ZNF846: variants seen among roughly 807,000 people sequenced by gnomAD.
ZNF846 encodes zinc finger protein 846.
ZNF846 carries 15 observed loss-of-function variants against 16.0 expected under a neutral mutation model. The ratio of observed to expected loss-of-function variants is 0.94; its 90% CI spans 0.63 to 1.45. The LOEUF is 1.45. Among genes scored for constraint, ZNF846 ranks in the 40% most tolerant of loss-of-function variants. ZNF846 has a pLI of 0.00. For synonymous variants in ZNF846, 229 were observed against 212.0 expected (o/e 1.08, Z -0.70); for missense variants, 714 against 622.3 (o/e 1.15, Z -1.57).
chr19:9,757,340 G>T, downstream of ZNF846: 1 of 691,998 alleles, frequency 1.4e-6, no homozygotes, highest in East Asian at 2.7e-5. Context: ...TATATCACTG[G>T]GACTTGTGTC....
At chr19:9,765,217 C>G (rs1430946880) in intron 1 of ZNF846, among the ~76,000 whole-genome samples, 182 bp from the exon 2 acceptor site, 2 of 151,312 alleles carry the variant, frequency 1.3e-5, no homozygotes, top group African/African-American at 4.9e-5. Context: ...TACTAAAAAT[C>G]CAAAAAAACC....
intron 1 of ZNF846, among the ~76,000 whole-genome samples, chr19:9,775,690 G>T (rs369508945): frequency 6.6e-6 from 1 of 152,134 alleles, no homozygotes; most frequent in Non-Finnish European, 1.5e-5. Context: ...GGTGATTAAC[G>T]TAAAATATGT....
exon 6 of ZNF846, chr19:9,758,142 C>T: frequency 1.2e-6 from 2 of 1,613,516 alleles, no homozygotes; most frequent in Middle Eastern, 3.3e-4. Context: ...ACATTCCATA[C>T]ATACATAGGG....
chr19:9,762,159 T>C lies in ZNF846; in HGVS notation c.152A>G (p.Glu51Gly). The C allele has an allele frequency of 1.2e-6, 2 of 1,614,048 alleles. 1 individual carries two copies. Among genetic ancestry groups the C allele is most frequent in the Non-Finnish European group, 1.7e-6 (2 of 1,179,934 alleles). ...AGACATGAGACTACGTTTGAATAAT[T>C]CAGACCCTGCTGGAGGGAAAAATGC... The change falls in exon 4 of 6, where the codon GAA becomes GGA. Residue 51 changes from glutamate to glycine, a missense_variant. Transcript: ENST00000397902.
chr19:9,762,787 C>CAA (rs1243139058), intron 3 of ZNF846, among the ~76,000 whole-genome samples: 1 of 151,954 alleles, frequency 6.6e-6, no homozygotes, highest in Admixed American at 6.6e-5. Flanking sequence ...AACAAATAAA[C>CAA]AAAAAAACTG....
intron 4 of ZNF846, among the ~76,000 whole-genome samples, chr19:9,760,829 C>T (rs1376724415): frequency 2.0e-5 from 3 of 151,530 alleles, no homozygotes; most frequent in Non-Finnish European, 2.9e-5. Context: ...AGAGAGAAAG[C>T]AAATTAGTCT....
At chr19:9,764,863 A>G in intron 2 of ZNF846, 73 bp downstream of exon 2, 1 of 1,552,946 alleles carries the variant, frequency 6.4e-7, no homozygotes, top group Non-Finnish European at 8.9e-7. Context: ...GCTTGAATAC[A>G]CGATAACAAG....
At position 9,758,189 on chromosome 19, in the gene ZNF846, G is replaced by C; in HGVS notation, c.888C>G (p.Tyr296Ter). ...TGTGGATTCTTGTATGATCAGTAAG[G>C]TATGAAGAATGGGTGAAGGCTTTCC... The change falls in exon 6 of 6, where the codon TAC becomes TAG. Residue 296 changes from tyrosine to a stop codon, truncating the protein, a stop_gained. Transcript: ENST00000397902. LOFTEE classifies it low-confidence loss of function (END_TRUNC). The C allele has an allele frequency of 6.2e-7, 1 of 1,613,038 alleles. No individual in the cohort carries two copies. Among genetic ancestry groups the C allele is most frequent in the African/African-American group, 1.3e-5 (1 of 74,462 alleles).
At position 9,761,819 on chromosome 19, in the gene ZNF846, T is replaced by C. The variant is rs55838336; in HGVS notation, c.229+263A>G. On this transcript the variant is annotated intron_variant, in intron 4 of 5. Transcript: ENST00000397902. ...GAATCAAGAAAGCAATATAAGAAGG[T>C]GTTGGCAAAGGACCTACATGCATAA... 4.5e-4 allele frequency among the ~76,000 whole-genome samples: 68 copies of C among 151,968 alleles called. 1 individual carries two copies. The highest frequency in any genetic ancestry group is 1.6e-3 in the African/African-American group (65 of 41,434).
At chr19:9,761,072 G>A (rs1424780616) in intron 4 of ZNF846, among the ~76,000 whole-genome samples, 2 of 148,600 alleles carry the variant, frequency 1.3e-5, no homozygotes, top group Non-Finnish European at 2.9e-5. Context: ...GGTGGCGCAC[G>A]CCTGTAGTCC....
At chr19:9,755,075 A>G (rs867420374), downstream of ZNF846, among the ~76,000 whole-genome samples, 6 of 151,294 alleles carry the variant, frequency 4.0e-5, no homozygotes, top group South Asian at 6.2e-4. Flanking sequence ...CATGTTAGCC[A>G]GGCTGGTTTC....
intron 1 of ZNF846, among the ~76,000 whole-genome samples, chr19:9,779,959 C>T (rs2045484560): frequency 6.6e-6 from 1 of 151,568 alleles, no homozygotes; most frequent in Admixed American, 6.6e-5. Flanking sequence ...TCACTGCAGC[C>T]TTGACCTCCT....
At chr19:9,762,130 A>C in exon 4 of ZNF846, 1 of 1,614,098 alleles carries the variant, frequency 6.2e-7, no homozygotes, top group Non-Finnish European at 8.5e-7. Context: ...ATTTGTTCCA[A>C]TCCAGACATG....
chr19:9,757,134 G>A (rs1341587074), downstream of ZNF846, among the ~76,000 whole-genome samples: 3 of 151,372 alleles, frequency 2.0e-5, no homozygotes, highest in East Asian at 5.8e-4. Flanking sequence ...GGCAGAGGTT[G>A]CAGTGGGCCA....
chr19:9,757,168 C>T (rs969692460), downstream of ZNF846, among the ~76,000 whole-genome samples: 27 of 150,566 alleles, frequency 1.8e-4, 1 homozygote, highest in African/African-American at 6.7e-4. Flanking sequence ...GTACTCCAGC[C>T]TGGGTGAGAG....
chr19:9,778,961 T>A (rs2145312791), intron 1 of ZNF846, among the ~76,000 whole-genome samples: 1 of 152,152 alleles, frequency 6.6e-6, no homozygotes, highest in African/African-American at 2.4e-5. Flanking sequence ...TTTAATACTA[T>A]GCTAGTATAT....
At chr19:9,780,051 T>G (rs867019255) in intron 1 of ZNF846, among the ~76,000 whole-genome samples, 31 of 146,068 alleles carry the variant, frequency 2.1e-4, no homozygotes, top group African/African-American at 8.4e-4. Flanking sequence ...TAATTTTGTT[T>G]TTTTTTTTGT....
At chr19:9,774,433 A>C (rs2145296400) in intron 1 of ZNF846, 2 of 669,144 alleles carry the variant, frequency 3.0e-6, no homozygotes, top group Non-Finnish European at 5.4e-6. Context: ...GCGCCACTGC[A>C]CTCCAGCCTG....
At chr19:9,753,119 C>G (rs1476569000), downstream of ZNF846, among the ~76,000 whole-genome samples, 1 of 151,650 alleles carries the variant, frequency 6.6e-6, no homozygotes, top group Non-Finnish European at 1.5e-5. Context: ...TAATCCCATT[C>G]TGCAGAGCCC....
Sources: allele counts gnomAD v4.1 joint callset (sites outside exome capture counted in the v4.1 genomes callset), GRCh38; gene constraint gnomAD v4.1.1; transcripts MANE v1.5; gene names NCBI Gene and HGNC (gene_info 2026-07-23, HGNC 2026-07-21).